The following OPA1 variants were observed in gnomAD, a reference collection of about 807,000 sequenced individuals.
OPA1 encodes the protein OPA1 mitochondrial dynamin like GTPase.
In OPA1, 59 loss-of-function variants were observed where a neutral mutation model predicts 152.9. That is an observed-to-expected ratio of 0.39 (90% confidence interval 0.31 to 0.48). The LOEUF is 0.48. Among genes scored for constraint, OPA1 ranks in the 20% least tolerant of loss-of-function variants. The probability of loss-of-function intolerance (pLI) is 0.96; values close to 1 mark genes in which losing one functional copy is unlikely to be tolerated. For synonymous variants in OPA1, 400 were observed against 389.9 expected, an observed-to-expected ratio of 1.03 and a Z score of -0.31; for missense variants, 1,008 against 1,216.8, an observed-to-expected ratio of 0.83 and a Z score of 2.55.
Position 193,637,236 on chromosome 3 carries a change from C to T in OPA1, c.990C>T (p.Leu330=), listed in dbSNP as rs201242590. ...TGTATTCTGAAGTTCTTGATGTTCT[C>T]TCTGATTATGATGCCAGTTATAATA... ...IDMYSEVLDV[L]SDYDASYNTQ... is the part of the protein sequence containing the mutation. Residue 330 remains leucine, a synonymous_variant, in exon 10 of 31, where the codon CTC becomes CTT. Coordinates refer to ENST00000361510, the MANE Select transcript of OPA1 (RefSeq NM_130837.3). The T allele has an allele frequency of 7.7e-5, 123 of 1,607,538 alleles. No individual in the cohort carries two copies. Among genetic ancestry groups the T allele is most frequent in the Non-Finnish European group, 9.9e-5 (117 of 1,176,052 alleles).
At chr3:193,691,868 C>T in intron 29 of OPA1, 195 bp from the exon 30 acceptor site, 1 of 512,734 alleles carries the variant, frequency 2.0e-6, no homozygotes, top group Non-Finnish European at 3.6e-6. Context: ...GTCTCTCCTC[C>T]CACTTCCAAA....
At chr3:193,616,898 A>G (rs994275433) in intron 3 of OPA1, among the ~76,000 whole-genome samples, 2 of 152,336 alleles carry the variant, frequency 1.3e-5, no homozygotes, top group East Asian at 1.9e-4. Flanking sequence ...TTGTTCTTCT[A>G]ATATTAATGA....
chr3:193,613,706 T>C (rs555040343), intron 1 of OPA1, among the ~76,000 whole-genome samples: 1 of 152,156 alleles, frequency 6.6e-6, no homozygotes, highest in South Asian at 2.1e-4. Flanking sequence ...GCCTCCTGAA[T>C]AGCTGGGATT....
intron 7 of OPA1, among the ~76,000 whole-genome samples, chr3:193,630,768 TTCA>T (rs1194125015): frequency 6.6e-6 from 1 of 152,172 alleles, no homozygotes; most frequent in Non-Finnish European, 1.5e-5. Flanking sequence ...GTTATGTGAA[TTCA>T]TCATAAATCA....
Position 193,670,333 on chromosome 3 carries a change from T to C in OPA1, c.2983+3053T>C, listed in dbSNP as rs111691565. ...GTTGATGCATTCATATTTTTGCCAGTTTTAAGCTTGTACGATTTTAAATCA... is the reference window on the plus strand; with the variant it reads ...GTTGATGCATTCATATTTTTGCCAGCTTTAAGCTTGTACGATTTTAAATCA... On this transcript the variant is annotated intron_variant, in intron 29 of 30. Transcript: ENST00000361510. 3.3e-5 allele frequency among the ~76,000 whole-genome samples: 5 copies of C among 152,210 alleles called. 1 individual carries two copies. The highest frequency in any genetic ancestry group is 9.6e-5 in the African/African-American group (4 of 41,532).
chr3:193,662,450 T>G (rs571730195), intron 25 of OPA1, among the ~76,000 whole-genome samples: 1 of 152,324 alleles, frequency 6.6e-6, no homozygotes, highest in East Asian at 1.9e-4. Flanking sequence ...GCTCTTCCTA[T>G]GCATTCAGGG....
chr3:193,617,155 C>G (rs202183901), intron 3 of OPA1, 23 bp from the exon 4 acceptor site: 1 of 1,363,092 alleles, frequency 7.3e-7, no homozygotes, highest in Non-Finnish European at 1.1e-6. Context: ...GTTTCATACT[C>G]TATATGTTTT....
intron 29 of OPA1, among the ~76,000 whole-genome samples, chr3:193,690,303 TCC>T (rs756588445): frequency 1.1e-4 from 5 of 47,124 alleles, no homozygotes; most frequent in African/African-American, 2.6e-4. Flanking sequence ...ACAACTGGAC[TCC>T]CCCCCCACCC....
chr3:193,617,751 A>C (rs372752238), intron 4 of OPA1, 33 bp from the exon 5 acceptor site: 3 of 1,538,478 alleles, frequency 1.9e-6, no homozygotes, highest in Middle Eastern at 1.7e-4. Flanking sequence ...TAAATTTTAC[A>C]TTTCTATTTC....
At chr3:193,599,372 C>G (rs1310713681) in intron 1 of OPA1, among the ~76,000 whole-genome samples, 5 of 151,820 alleles carry the variant, frequency 3.3e-5, no homozygotes, top group Admixed American at 3.3e-4. Context: ...ATTGTCTCAG[C>G]TCTGCACCCT....
chr3:193,694,422 T>C (rs1296599222), intron 30 of OPA1, among the ~76,000 whole-genome samples, 184 bp from the exon 31 acceptor site: 3 of 152,244 alleles, frequency 2.0e-5, no homozygotes, highest in East Asian at 1.9e-4. Context: ...TTTTAACTTA[T>C]GTTTGATAAA....
chr3:193,627,073 A>G (rs1403612388), intron 7 of OPA1, among the ~76,000 whole-genome samples: 1 of 152,202 alleles, frequency 6.6e-6, no homozygotes, highest in East Asian at 1.9e-4. Context: ...TTTTGAAGTT[A>G]TATACAAATG....
chr3:193,596,387 T>G (rs185803), intron 1 of OPA1, among the ~76,000 whole-genome samples: 1 of 101,330 alleles, frequency 9.9e-6, no homozygotes, highest in African/African-American at 4.1e-5. Flanking sequence ...TTTCTTTTCT[T>G]TTCTGTTCTT....
chr3:193,652,136 T>G (rs1461677671), intron 21 of OPA1, among the ~76,000 whole-genome samples: 2 of 152,114 alleles, frequency 1.3e-5, no homozygotes, highest in Non-Finnish European at 2.9e-5. Flanking sequence ...ATCCCAGCAC[T>G]TTGGGAGGCC....
intron 29 of OPA1, among the ~76,000 whole-genome samples, chr3:193,676,712 G>C (rs1719052746): frequency 6.6e-6 from 1 of 152,102 alleles, no homozygotes; most frequent in Non-Finnish European, 1.5e-5. Context: ...CGGGTGTGGT[G>C]GCTCACGCCT....
chr3:193,647,846 G>C (rs527701167), intron 19 of OPA1, among the ~76,000 whole-genome samples: 1 of 152,310 alleles, frequency 6.6e-6, no homozygotes, highest in African/African-American at 2.4e-5. Flanking sequence ...TACTTCAGCT[G>C]TGTGCTAATG....
At chr3:193,633,887 C>T (rs905392304) in intron 8 of OPA1, among the ~76,000 whole-genome samples, 5 of 152,052 alleles carry the variant, frequency 3.3e-5, no homozygotes, top group African/African-American at 4.8e-5. Flanking sequence ...TATACTATTA[C>T]TAGATATAAA....
intron 5 of OPA1, 86 bp from the exon 6 acceptor site, chr3:193,618,783 T>C (rs1729493826): frequency 9.1e-7 from 1 of 1,096,308 alleles, no homozygotes. Flanking sequence ...TCCATTCACC[T>C]TTTCATTGAC....
intron 1 of OPA1, among the ~76,000 whole-genome samples, chr3:193,596,375 C>CTTTTCTTAA (rs1725565154): frequency 2.7e-5 from 2 of 74,162 alleles, no homozygotes; most frequent in African/African-American, 1.2e-4. Flanking sequence ...ATTTTCTTTT[C>CTTTTCTTAA]TTTTCTTTTC....
Sources: allele counts gnomAD v4.1 joint callset (sites outside exome capture counted in the v4.1 genomes callset), GRCh38; gene constraint gnomAD v4.1.1; transcripts MANE v1.5; gene names NCBI Gene and HGNC (gene_info 2026-07-23, HGNC 2026-07-21).